SRSF11: variants seen among roughly 807,000 people sequenced by gnomAD.
SRSF11 encodes serine and arginine rich splicing factor 11.
A neutral mutation model predicts 56.0 loss-of-function variants in SRSF11; 9 were observed. The ratio of observed to expected loss-of-function variants is 0.16; its 90% CI spans 0.10 to 0.28. The LOEUF (loss-of-function observed/expected upper bound fraction) is 0.28, where lower values mean the gene tolerates loss of function less well. SRSF11 is among the 10% of genes least tolerant of loss of function. The pLI is 1.00. For missense variants in SRSF11, 421 were observed against 600.7 expected (o/e 0.70, Z 3.13); for synonymous variants, 222 against 215.3 (o/e 1.03, Z -0.27).
chr1:70,215,996 G>A (rs1261509804), intron 1 of SRSF11, among the ~76,000 whole-genome samples: 1 of 152,148 alleles, frequency 6.6e-6, no homozygotes, highest in Non-Finnish European at 1.5e-5. Flanking sequence ...GTATTGGTCA[G>A]GCTCATCTCG....
At chr1:70,223,472 A>G (rs1455024518) in intron 1 of SRSF11, among the ~76,000 whole-genome samples, 2 of 152,220 alleles carry the variant, frequency 1.3e-5, no homozygotes, top group Non-Finnish European at 2.9e-5. Flanking sequence ...TAGTTCCTTC[A>G]TAACCAGGAC....
chr1:70,245,889 CAG>C (rs1676630963), intron 8 of SRSF11, among the ~76,000 whole-genome samples: 1 of 152,076 alleles, frequency 6.6e-6, no homozygotes, highest in African/African-American at 2.4e-5. Flanking sequence ...AGATTTCTGA[CAG>C]AGTACAGAAT....
chr1:70,252,207 T>C lies in SRSF11; in HGVS notation c.*1402T>C, dbSNP rs138303564. On this transcript the variant is annotated 3_prime_UTR_variant, in exon 12 of 12. Transcript: ENST00000370949. The stretch of plus-strand genomic sequence containing the variant: ...ATCCAAAATAGTCCTTTTCTTAGCT[T>C]AGTATCATTTTATTGCTTATTTTTT... 3.9e-5 allele frequency: 6 copies of C among 152,316 alleles called. No homozygotes were observed. The highest frequency in any genetic ancestry group is 3.9e-4 in the Admixed American group (6 of 15,308). The allele number at this position is 152,316 out of a possible 1,614,324, so 9.4% of individuals were successfully genotyped here.
chr1:70,205,776 A>C, exon 1 of SRSF11: 1 of 449,602 alleles, frequency 2.2e-6, no homozygotes, highest in East Asian at 3.2e-5. Flanking sequence ...AATTACTTCA[A>C]TCAAGTAAGT....
intron 1 of SRSF11, among the ~76,000 whole-genome samples, chr1:70,213,366 T>G (rs1669739215): frequency 6.6e-6 from 1 of 152,250 alleles, no homozygotes; most frequent in Non-Finnish European, 1.5e-5. Flanking sequence ...ATATTTAGCA[T>G]TAAACTTATT....
intron 9 of SRSF11, 173 bp downstream of exon 9, chr1:70,247,080 G>T: frequency 9.0e-7 from 1 of 1,116,812 alleles, no homozygotes; most frequent in Non-Finnish European, 1.2e-6. Flanking sequence ...GAATAATGTA[G>T]TTTATTTTTC....
chr1:70,235,628 T>G (rs1673809042), intron 5 of SRSF11, 78 bp downstream of exon 5: 3 of 1,358,572 alleles, frequency 2.2e-6, no homozygotes, highest in South Asian at 1.3e-5. Context: ...TGATAGCTTA[T>G]AAGAAAGTTA....
Position 70,221,710 on chromosome 1 carries a change from G to C in SRSF11, c.74G>C (p.Gly25Ala), listed in dbSNP as rs1192986597. 1 of 1,613,508 alleles carries C rather than the reference G, an allele frequency of 6.2e-7. No individual in the cohort carries two copies. The highest frequency in any genetic ancestry group is 8.5e-7 in the Non-Finnish European group (1 of 1,179,716). The change falls in exon 1 of 12, where the codon GGT becomes GCT. Residue 25 changes from glycine to alanine, a missense_variant. Transcript: ENST00000370949. ...PSGGPGGGGGGGGGGGGTEVI... is the reference protein window; with the variant it reads ...PSGGPGGGGGAGGGGGGTEVI... ...GGCGGGCCCGGTGGCGGAGGTGGTG[G>C]TGGCGGCGGAGGCGGCGGCACCGAG...
chr1:70,213,677 CA>C, intron 1 of SRSF11, among the ~76,000 whole-genome samples: 1 of 152,002 alleles, frequency 6.6e-6, no homozygotes, highest in South Asian at 2.1e-4. Flanking sequence ...ATAGAATAGT[CA>C]TTATAATAGT....
upstream of SRSF11, chr1:70,205,701 C>T (rs1034049997): frequency 3.8e-5 from 24 of 634,394 alleles, no homozygotes; most frequent in African/African-American, 2.9e-4. Flanking sequence ...ATGTCGTCAG[C>T]ACCAGCGCCT....
intron 3 of SRSF11, among the ~76,000 whole-genome samples, chr1:70,233,074 G>A (rs1293246038): frequency 6.6e-6 from 1 of 152,108 alleles, no homozygotes; most frequent in Non-Finnish European, 1.5e-5. Context: ...TCTTAACTGT[G>A]AAGTGCACTA....
intron 1 of SRSF11, among the ~76,000 whole-genome samples, chr1:70,207,827 A>G (rs1669193464): frequency 6.6e-6 from 1 of 151,808 alleles, no homozygotes; most frequent in Non-Finnish European, 1.5e-5. Flanking sequence ...CTGGGCTCAA[A>G]CAGTCCTCCC....
At chr1:70,228,020 A>G (rs116514521) in intron 1 of SRSF11, among the ~76,000 whole-genome samples, 1 of 152,302 alleles carries the variant, frequency 6.6e-6, no homozygotes, top group African/African-American at 2.4e-5. Flanking sequence ...TGTCCCTGAT[A>G]TAAAAATTGT....
At chr1:70,230,749 A>G in intron 2 of SRSF11, 1 of 1,173,886 alleles carries the variant, frequency 8.5e-7, no homozygotes, top group South Asian at 1.7e-5. Context: ...CTCACAATAA[A>G]TTCAAGAGGA....
At position 70,239,510 on chromosome 1, in the gene SRSF11, T is replaced by G; in HGVS notation, c.790T>G (p.Ser264Ala). ...RSRRRRTPSS[S>A]RHRRSRSRSR... The stretch of plus-strand genomic sequence containing the variant: ...TAGGAGGAGGAGGACTCCCTCATCT[T>G]CTAGACACAGGTTAGATTGCTTTTT... Residue 264 changes from serine (S) to alanine (A), a missense_variant, in exon 7 of 12, where the codon TCT becomes GCT. Transcript: ENST00000370949. The G allele has an allele frequency of 6.2e-7, 1 of 1,604,704 alleles. No individual in the cohort carries two copies. The highest frequency in any genetic ancestry group is 8.5e-7 in the Non-Finnish European group (1 of 1,176,796).
At chr1:70,206,889 C>CT (rs755835751) in intron 1 of SRSF11, among the ~76,000 whole-genome samples, 4,310 of 118,970 alleles carry the variant, frequency 0.036, 117 homozygotes, top group East Asian at 0.061. Context: ...GGATTTTTGT[C>CT]TTTTTTTTTT....
intron 1 of SRSF11, among the ~76,000 whole-genome samples, chr1:70,222,290 T>C (rs1174186688): frequency 6.6e-6 from 1 of 152,270 alleles, no homozygotes; most frequent in African/African-American, 2.4e-5. Context: ...ATTGCTGTTA[T>C]GTGGTTCTGG....
At chr1:70,235,437 C>G in intron 4 of SRSF11, 64 bp from the exon 5 acceptor site, 2 of 1,383,596 alleles carry the variant, frequency 1.4e-6, no homozygotes, top group African/African-American at 1.4e-5. Flanking sequence ...AGTTTTCTGC[C>G]TAGAAAATAT....
Position 70,221,454 on chromosome 1 carries a change from T to A in SRSF11, c.-183T>A. On this transcript the variant is annotated 5_prime_UTR_variant, in exon 1 of 12. Transcript: ENST00000370949. ...CTCGAGCTCGCGCGCTCTCATCCCCTCCCCCGCGGCGTGCGGCGGGGCGGA... is the reference window on the plus strand; with the variant it reads ...CTCGAGCTCGCGCGCTCTCATCCCCACCCCCGCGGCGTGCGGCGGGGCGGA... 6.7e-4 allele frequency: 439 copies of A among 659,788 alleles called. No individual in the cohort carries two copies. The highest frequency in any genetic ancestry group is 1.4e-3 in the Middle Eastern group (3 of 2,108). 40.9% of individuals were successfully genotyped at this position (659,788 alleles called of 1,614,324 possible).
Sources: allele counts gnomAD v4.1 joint callset (sites outside exome capture counted in the v4.1 genomes callset), GRCh38; gene constraint gnomAD v4.1.1; transcripts MANE v1.5; gene names NCBI Gene and HGNC (gene_info 2026-07-23, HGNC 2026-07-21).